The following AGBL4 variants were observed in gnomAD, a reference collection of about 807,000 sequenced individuals.
AGBL4 encodes cytosolic carboxypeptidase 6.
In AGBL4, 58 loss-of-function variants were observed where a neutral mutation model predicts 66.4. The observed-to-expected ratio is 0.87, with a 90% CI of 0.71 to 1.09. AGBL4 has a LOEUF of 1.09. Ranked by LOEUF, AGBL4 falls within the 50% of genes least tolerant of loss-of-function variation. The probability of loss-of-function intolerance (pLI) is 0.00; values close to 1 mark genes in which losing one functional copy is unlikely to be tolerated. For synonymous variants in AGBL4, 234 were observed against 222.9 expected (o/e 1.05, Z -0.44); for missense variants, 579 against 631.0 (o/e 0.92, Z 0.88).
chr1:48,785,629 A>G (rs1270219280), intron 6 of AGBL4, among the ~76,000 whole-genome samples: 1 of 152,226 alleles, frequency 6.6e-6, no homozygotes, highest in African/African-American at 2.4e-5. Flanking sequence ...CAGAAGAAAA[A>G]TAGTCAAGTT....
At chr1:49,081,038 T>C (rs1644800876) in intron 4 of AGBL4, among the ~76,000 whole-genome samples, 1 of 152,214 alleles carries the variant, frequency 6.6e-6, no homozygotes, top group Non-Finnish European at 1.5e-5. Context: ...GACACATTCA[T>C]ATTTTCATAT....
chr1:48,871,672 G>A (rs1315377401), intron 5 of AGBL4, among the ~76,000 whole-genome samples: 2 of 152,098 alleles, frequency 1.3e-5, no homozygotes, highest in Non-Finnish European at 2.9e-5. Context: ...TGCTGAGTAT[G>A]ACCTCATAAG....
chr1:48,625,888 C>A (rs1476599212), intron 9 of AGBL4, among the ~76,000 whole-genome samples: 2 of 152,108 alleles, frequency 1.3e-5, no homozygotes. Flanking sequence ...AAAACCATGT[C>A]TTTTATCACA....
intron 3 of AGBL4, among the ~76,000 whole-genome samples, chr1:49,282,628 G>C (rs1339410092): frequency 1.3e-5 from 2 of 152,196 alleles, no homozygotes; most frequent in Non-Finnish European, 2.9e-5. Context: ...TCTCACTAGG[G>C]AGTGCCAGAC....
chr1:48,622,556 T>G (rs1005190903), intron 9 of AGBL4, among the ~76,000 whole-genome samples: 14 of 141,348 alleles, frequency 9.9e-5, no homozygotes, highest in Non-Finnish European at 3.0e-5. Flanking sequence ...CAATCTCGGC[T>G]CACTGCAACC....
intron 3 of AGBL4, among the ~76,000 whole-genome samples, chr1:49,303,954 T>C (rs1377468388): frequency 6.6e-6 from 1 of 152,222 alleles, no homozygotes; most frequent in South Asian, 2.1e-4. Flanking sequence ...GGTGATAGTT[T>C]CTTTTGCTGT....
intron 3 of AGBL4, among the ~76,000 whole-genome samples, chr1:49,417,781 A>G (rs1031862859): frequency 6.6e-6 from 1 of 152,134 alleles, no homozygotes; most frequent in Non-Finnish European, 1.5e-5. Flanking sequence ...TTTATTTGAC[A>G]TGCAATCAAC....
chr1:48,778,647 T>C (rs568876340), intron 6 of AGBL4, among the ~76,000 whole-genome samples: 1 of 152,226 alleles, frequency 6.6e-6, no homozygotes, highest in African/African-American at 2.4e-5. Flanking sequence ...TGTTTTTCCT[T>C]GTATTCATTG....
intron 1 of AGBL4, among the ~76,000 whole-genome samples, chr1:49,945,860 G>A (rs771843876): frequency 6.6e-6 from 1 of 151,818 alleles, no homozygotes; most frequent in Non-Finnish European, 1.5e-5. Flanking sequence ...GTAAAGAGGT[G>A]GAAAAAGACA....
intron 4 of AGBL4, among the ~76,000 whole-genome samples, chr1:49,181,842 T>A (rs771081443): frequency 1.3e-4 from 20 of 152,176 alleles, no homozygotes; most frequent in Non-Finnish European, 2.4e-4. Flanking sequence ...TTGCCTGTTC[T>A]CCTTAAAGGG....
At chr1:49,617,067 T>C (rs1271379051) in intron 3 of AGBL4, among the ~76,000 whole-genome samples, 2 of 152,204 alleles carry the variant, frequency 1.3e-5, no homozygotes, top group Admixed American at 1.3e-4. Flanking sequence ...ATTTTTTCCA[T>C]TTCAGCCATT....
intron 4 of AGBL4, among the ~76,000 whole-genome samples, chr1:49,196,061 T>C (rs1054630929): frequency 1.3e-5 from 2 of 152,192 alleles, no homozygotes; most frequent in African/African-American, 4.8e-5. Flanking sequence ...GTAAGTTTCC[T>C]AAGGCCTCCT....
chr1:48,643,303 G>T lies in AGBL4; in HGVS notation c.840-8699C>A, dbSNP rs572137355. 2.3e-3 allele frequency among the ~76,000 whole-genome samples: 348 copies of T among 152,282 alleles called. 2 individuals carry two copies. The highest frequency in any genetic ancestry group is 0.021 in the South Asian group (103 of 4,828). On this transcript the variant is annotated intron_variant, in intron 8 of 13. Coordinates refer to ENST00000371839, the MANE Select transcript of AGBL4 (RefSeq NM_032785.4). The stretch of plus-strand genomic sequence containing the variant: ...TGACGCATTTCTGCCAAGTCTCAAG[G>T]CTTGTCAAGCCTGTGCTGCACTCTA...
chr1:48,856,684 C>T (rs146873329), intron 6 of AGBL4, among the ~76,000 whole-genome samples: 2 of 152,252 alleles, frequency 1.3e-5, no homozygotes, highest in East Asian at 1.9e-4. Flanking sequence ...AGTCCATCAC[C>T]ATCTAAAATA....
At chr1:48,912,282 C>G (rs1183592181) in intron 5 of AGBL4, among the ~76,000 whole-genome samples, 1 of 152,172 alleles carries the variant, frequency 6.6e-6, no homozygotes, top group Non-Finnish European at 1.5e-5. Flanking sequence ...GAGTGGCCAG[C>G]CTGGAGATTT....
At chr1:49,323,448 A>ATTTTTTTTTTTTTTTT (rs11295329) in intron 3 of AGBL4, among the ~76,000 whole-genome samples, 1 of 114,888 alleles carries the variant, frequency 8.7e-6, no homozygotes, top group Non-Finnish European at 1.8e-5. Flanking sequence ...TGCCTGGCTA[A>ATTTTTTTTTTTTTTTT]TTTTTTTTTT....
At chr1:48,988,712 T>C (rs1340874810) in intron 5 of AGBL4, among the ~76,000 whole-genome samples, 1 of 152,076 alleles carries the variant, frequency 6.6e-6, no homozygotes. Context: ...AAGTGTCAGA[T>C]AAAGGAGAGA....
chr1:49,182,763 A>AG (rs1646951977), intron 4 of AGBL4, among the ~76,000 whole-genome samples: 1 of 152,010 alleles, frequency 6.6e-6, no homozygotes, highest in Non-Finnish European at 1.5e-5. Context: ...GCCTTATATC[A>AG]GGCACTGTGC....
chr1:49,092,787 A>C (rs1291218328), intron 4 of AGBL4, among the ~76,000 whole-genome samples: 2 of 152,098 alleles, frequency 1.3e-5, no homozygotes, highest in African/African-American at 4.8e-5. Flanking sequence ...GAAAATTTTC[A>C]AATATTTGTT....
Sources: allele counts gnomAD v4.1 joint callset (sites outside exome capture counted in the v4.1 genomes callset), GRCh38; gene constraint gnomAD v4.1.1; transcripts MANE v1.5; gene names NCBI Gene and HGNC (gene_info 2026-07-23, HGNC 2026-07-21).